The following RAP1GAP2 variants were observed in gnomAD, a reference collection of about 807,000 sequenced individuals.
RAP1GAP2 encodes rap1 GTPase-activating protein 2.
RAP1GAP2 carries 27 observed loss-of-function variants against 95.0 expected under a neutral mutation model. The ratio of observed to expected loss-of-function variants is 0.28; its 90% CI spans 0.21 to 0.39. RAP1GAP2 has a LOEUF of 0.39. Ranked by LOEUF, RAP1GAP2 falls within the 10% of genes least tolerant of loss-of-function variation. The probability of loss-of-function intolerance (pLI) is 1.00; values close to 1 mark genes in which losing one functional copy is unlikely to be tolerated. For synonymous variants in RAP1GAP2, 373 were observed against 380.9 expected (o/e 0.98, Z 0.24); for missense variants, 771 against 970.0 (o/e 0.79, Z 2.72).
At chr17:2,864,060 A>G (rs1291050898) in intron 2 of RAP1GAP2, among the ~76,000 whole-genome samples, 25 of 132,792 alleles carry the variant, frequency 1.9e-4, no homozygotes, top group Non-Finnish European at 4.8e-5. Context: ...CCCCCTCAAA[A>G]AAAAAAAACA....
chr17:2,805,234 C>T (rs1050475421), intron 2 of RAP1GAP2, among the ~76,000 whole-genome samples: 2 of 152,162 alleles, frequency 1.3e-5, no homozygotes, highest in Non-Finnish European at 2.9e-5. Flanking sequence ...CCAGTCCGCT[C>T]TGGGGGCCAG....
At chr17:2,991,606 C>T (rs528529579) in intron 12 of RAP1GAP2, among the ~76,000 whole-genome samples, 7 of 152,194 alleles carry the variant, frequency 4.6e-5, no homozygotes, top group African/African-American at 1.4e-4. Context: ...AAGGCGTTCA[C>T]GTTCGGCCCT....
At chr17:2,778,004 G>GT in intron 1 of RAP1GAP2, among the ~76,000 whole-genome samples, 1 of 49,642 alleles carries the variant, frequency 2.0e-5, no homozygotes, top group African/African-American at 6.2e-5. Flanking sequence ...GAGGCTGGGA[G>GT]GCTGGGAGGC....
intron 18 of RAP1GAP2, 50 bp downstream of exon 18, chr17:3,018,248 C>G (rs1182919002): frequency 6.6e-7 from 1 of 1,518,466 alleles, no homozygotes; most frequent in African/African-American, 1.4e-5. Context: ...GGGAGGCCCC[C>G]CCCAGACCTA....
In RAP1GAP2 at chr17:3,005,999, C is replaced by G. The variant is rs374078714; in HGVS notation, c.1317C>G (p.Ala439=). ...REFLLTKLTN[A]ENACCKSDKF... ...TTCTGCTCACCAAGCTCACCAATGC[C>G]GAGAACGCCTGCTGCAAGTCGGACA... Residue 439 remains alanine, a synonymous_variant, in exon 16 of 25, where the codon GCC becomes GCG. Coordinates refer to ENST00000254695, the MANE Select transcript of RAP1GAP2 (RefSeq NM_015085.5). This position sits in a 1 kb window ranked among gnomAD's most constrained non-coding sequence, Gnocchi z 5.2. 5 of 1,613,868 alleles carry G rather than the reference C, an allele frequency of 3.1e-6. No homozygotes were observed. Among genetic ancestry groups the G allele is most frequent in the Non-Finnish European group, 3.4e-6 (4 of 1,179,856 alleles).
chr17:2,792,683 G>T (rs182378361), upstream of RAP1GAP2, among the ~76,000 whole-genome samples: 279 of 152,342 alleles, frequency 1.8e-3, no homozygotes, highest in African/African-American at 6.5e-3. Context: ...GCCGGCAGCC[G>T]GGCCAGTCCT....
At chr17:2,782,112 C>T (rs370175852) in intron 1 of RAP1GAP2, among the ~76,000 whole-genome samples, 36 of 152,358 alleles carry the variant, frequency 2.4e-4, no homozygotes, top group Admixed American at 1.3e-3. Flanking sequence ...CCTGCCCCCA[C>T]GGAGGCTCCC....
intron 23 of RAP1GAP2, 23 bp downstream of exon 23, chr17:3,031,021 C>A (rs1478945787): frequency 1.3e-6 from 2 of 1,569,216 alleles, no homozygotes; most frequent in South Asian, 1.2e-5. Context: ...CTCCCACACC[C>A]CACACTCCAC....
intron 21 of RAP1GAP2, 40 bp downstream of exon 21, chr17:3,026,504 G>T (rs1328842118): frequency 4.2e-6 from 6 of 1,435,620 alleles, no homozygotes; most frequent in Non-Finnish European, 4.7e-6. Context: ...GCACTCTGGG[G>T]CGTCAGCCAG....
rs1013630832 is a variant in RAP1GAP2 at position 3,005,609 on chromosome 17, C to T, written c.1272+169C>T. Among the ~76,000 whole-genome samples, 4 of 152,182 alleles carry T rather than the reference C, an allele frequency of 2.6e-5. No homozygotes were observed. In the East Asian group the frequency reaches 7.7e-4, roughly 29 times the overall value. The stretch of plus-strand genomic sequence containing the variant: ...GGGGTCTCTCCCCACCTCTTTCATG[C>T]TGCCAGTCTGGCCCAGCATAGGACC... On this transcript the variant is annotated intron_variant, in intron 15 of 24. Transcript: ENST00000254695. The surrounding 1 kb of genome is among the most constrained non-coding windows in gnomAD (Gnocchi z 5.2).
chr17:2,964,135 G>GT, intron 7 of RAP1GAP2, 67 bp downstream of exon 7: 1 of 1,413,822 alleles, frequency 7.1e-7, no homozygotes. Context: ...GAGAGAGGAG[G>GT]TACCAGGCGG....
chr17:2,861,427 C>T (rs187427866), intron 2 of RAP1GAP2, among the ~76,000 whole-genome samples: 1 of 151,270 alleles, frequency 6.6e-6, no homozygotes, highest in African/African-American at 2.4e-5. Context: ...GCCCAAGAGG[C>T]CTCCTGGCTC....
At chr17:2,991,176 G>A (rs1597811870) in intron 11 of RAP1GAP2, 121 bp from the exon 12 acceptor site, 2 of 774,864 alleles carry the variant, frequency 2.6e-6, no homozygotes, top group East Asian at 5.5e-5. Flanking sequence ...AGCTATGGTG[G>A]ATGTGCTGGG....
chr17:2,938,376 G>A (rs2043370264), intron 3 of RAP1GAP2, among the ~76,000 whole-genome samples: 1 of 152,014 alleles, frequency 6.6e-6, no homozygotes, highest in African/African-American at 2.4e-5. Context: ...CTTCCAAGCT[G>A]GGGACCTTGC....
chr17:2,989,140 G>A (rs1180733471), intron 11 of RAP1GAP2, among the ~76,000 whole-genome samples: 2 of 152,110 alleles, frequency 1.3e-5, no homozygotes, highest in Admixed American at 6.6e-5. Context: ...CTCACCAGCA[G>A]TGTATGAGTG....
intron 8 of RAP1GAP2, among the ~76,000 whole-genome samples, chr17:2,967,144 G>A (rs968293958): frequency 9.9e-5 from 15 of 152,228 alleles, no homozygotes; most frequent in Admixed American, 6.5e-4. Flanking sequence ...CAAGGCGGGT[G>A]GATCACGAGG....
At chr17:3,025,058 T>C (rs1037590003) in intron 19 of RAP1GAP2, among the ~76,000 whole-genome samples, 1 of 151,340 alleles carries the variant, frequency 6.6e-6, no homozygotes, top group Non-Finnish European at 1.5e-5. Context: ...GTGTAGATTC[T>C]GTCTCAAGAA....
At chr17:2,791,186 C>T (rs1439603734) in intron 1 of RAP1GAP2, among the ~76,000 whole-genome samples, 1 of 152,148 alleles carries the variant, frequency 6.6e-6, no homozygotes, top group African/African-American at 2.4e-5. Context: ...GCCTGGGTGA[C>T]AGAACGAGCC....
chr17:2,863,888 C>T (rs564993467), intron 2 of RAP1GAP2, among the ~76,000 whole-genome samples: 1 of 152,048 alleles, frequency 6.6e-6, no homozygotes. Flanking sequence ...TCCGTCTCTA[C>T]TAAAAATACA....
Sources: allele counts gnomAD v4.1 joint callset (sites outside exome capture counted in the v4.1 genomes callset), GRCh38; gene constraint gnomAD v4.1.1; non-coding constraint Gnocchi (gnomAD v3.1); transcripts MANE v1.5; gene names NCBI Gene and HGNC (gene_info 2026-07-23, HGNC 2026-07-21).